The following SH3TC2 variants were observed in gnomAD, a reference collection of about 807,000 sequenced individuals.
The protein encoded by SH3TC2 is SH3 domain and tetratricopeptide repeats 2, also known as SH3 domain and tetratricopeptide repeat-containing protein 2.
In SH3TC2, 87 loss-of-function variants were observed where a neutral mutation model predicts 124.5. The ratio of observed to expected loss-of-function variants is 0.70; its 90% CI spans 0.59 to 0.84. SH3TC2 has a LOEUF of 0.84. SH3TC2 is among the 40% of genes least tolerant of loss of function. The probability of loss-of-function intolerance (pLI) is 0.00; values close to 1 mark genes in which losing one functional copy is unlikely to be tolerated. For missense variants in SH3TC2, 1,536 were observed against 1,566.4 expected, an observed-to-expected ratio of 0.98 and a Z score of 0.33; for synonymous variants, 634 against 628.5, an observed-to-expected ratio of 1.01 and a Z score of -0.13.
chr5:148,986,614 A>C lies in SH3TC2; in HGVS notation c.*18097T>G, dbSNP rs1245536995. Reference sequence around the variant, plus strand: ...TTGTTGAATTATCATTTTAAAAGTGAACTTCAATTAGATTATTCATACACA... The same window carrying C: ...TTGTTGAATTATCATTTTAAAAGTGCACTTCAATTAGATTATTCATACACA... On this transcript the variant is annotated 3_prime_UTR_variant, in exon 17 of 17. Coordinates refer to ENST00000515425, the MANE Select transcript of SH3TC2 (RefSeq NM_024577.4). Among the ~76,000 whole-genome samples the C allele has an allele frequency of 6.6e-6, 1 of 152,216 alleles. No homozygotes were observed. Among genetic ancestry groups the C allele is most frequent in the African/African-American group, 2.4e-5 (1 of 41,442 alleles).
At position 148,997,888 on chromosome 5, in the gene SH3TC2, C is replaced by A. The variant is rs192564488; in HGVS notation, c.*6823G>T. Among the ~76,000 whole-genome samples the A allele has an allele frequency of 6.6e-6, 1 of 152,138 alleles. No homozygotes were observed. On this transcript the variant is annotated 3_prime_UTR_variant, in exon 17 of 17. Transcript: ENST00000515425. ...CAAAGGTTTTGCATGAGACTTAATG[C>A]ATAAAACACATTAACCTCAACTGTT...
chr5:149,027,610 T>C lies in SH3TC2; in HGVS notation c.2122A>G (p.Ile708Val), dbSNP rs1275994862. The C allele has an allele frequency of 6.2e-7, 1 of 1,614,184 alleles. No individual in the cohort carries two copies. The highest frequency in any genetic ancestry group is 1.1e-5 in the South Asian group (1 of 91,090). The change falls in exon 11 of 17, where the codon ATT (isoleucine) becomes GTT (valine). Residue 708 changes from isoleucine to valine, a missense_variant. By Grantham distance (29) the Ile-to-Val change is conservative. This residue lies in a region of SH3TC2 where 1,102 missense variants were observed against 1,098.6 expected (regional missense o/e 1.00). Transcript: ENST00000515425. ...TGGAGGACAAGGTGGACCTGCCAAA[T>C]AGGAAGAGACATCCCTTGGGCACTC... The part of the protein sequence containing the change: ...IQSAQGMSLP[I>V]WQVHLVLQNT...
At chr5:149,030,488 G>T (rs554518318) in intron 9 of SH3TC2, among the ~76,000 whole-genome samples, 1 of 152,338 alleles carries the variant, frequency 6.6e-6, no homozygotes, top group African/African-American at 2.4e-5. Context: ...TCTCCCCAAG[G>T]AACACTGCTA....
rs1193981685 is a variant in SH3TC2 at position 149,038,424 on chromosome 5, T to C, written c.872A>G (p.Gln291Arg). Residue 291 changes from glutamine (Q) to arginine (R), a missense_variant, in exon 8 of 17, where the codon CAG becomes CGG. Gln to Arg is a conservative substitution (Grantham distance 43). Around this residue, in one of 3 missense-constraint regions of SH3TC2, gnomAD observed 1,102 missense variants for 1,098.6 expected, o/e 1.00. Transcript: ENST00000515425. Reference protein sequence around the residue: ...PGEKDELNFYQGESIEIIGFV... With the variant: ...PGEKDELNFYRGESIEIIGFV... Reference sequence around the variant, plus strand: ...GCCGATGATCTCAATGCTTTCTCCCTGGTAGAAATTCAGTTCATCCTTTTC... The same window carrying C: ...GCCGATGATCTCAATGCTTTCTCCCCGGTAGAAATTCAGTTCATCCTTTTC... 1.9e-6 allele frequency: 3 copies of C among 1,614,076 alleles called. No individual in the cohort carries two copies. Among genetic ancestry groups the C allele is most frequent in the African/African-American group, 2.7e-5 (2 of 74,922 alleles).
At chr5:149,059,633 T>C (rs1754710617) in intron 1 of SH3TC2, among the ~76,000 whole-genome samples, 1 of 149,454 alleles carries the variant, frequency 6.7e-6, no homozygotes, top group Admixed American at 6.8e-5. Flanking sequence ...ATATCTTAGA[T>C]GATAATGTTT....
At chr5:149,015,996 G>A (rs1048003249) in intron 12 of SH3TC2, among the ~76,000 whole-genome samples, 3 of 152,158 alleles carry the variant, frequency 2.0e-5, no homozygotes, top group Admixed American at 6.5e-5. Context: ...TTTTTGAAAC[G>A]TATCTAAGTT....
At chr5:149,036,745 A>G (rs1475701141) in intron 8 of SH3TC2, among the ~76,000 whole-genome samples, 1 of 152,034 alleles carries the variant, frequency 6.6e-6, no homozygotes, top group Non-Finnish European at 1.5e-5. Flanking sequence ...CCACCTGGGG[A>G]GCTTTTATCA....
In SH3TC2 at chr5:149,010,264, A is replaced by C; in HGVS notation, c.3327+6T>G. On this transcript the variant is annotated splice_donor_region_variant and intron_variant, in intron 14 of 16. Transcript: ENST00000515425. ...TGTCTCAGCAAACTGCACAGCTTGG[A>C]CTTACTCGGTAGTACTCCACTGCAT... The C allele has an allele frequency of 6.2e-7, 1 of 1,614,158 alleles. No individual in the cohort carries two copies. The highest frequency in any genetic ancestry group is 8.5e-7 in the Non-Finnish European group (1 of 1,180,028).
Position 149,041,423 on chromosome 5 carries a change from A to G in SH3TC2, c.724T>C (p.Phe242Leu). 6.2e-7 allele frequency: 1 copy of G among 1,612,708 alleles called. No homozygotes were observed. The highest frequency in any genetic ancestry group is 2.0e-4 in the Middle Eastern group (1 of 4,910). Reference sequence around the variant, plus strand: ...AGGCAGATGGCTACTCACTGGTGGAAAGGGAGAGGCAGAGGCTCCAAGGCT... The same window carrying G: ...AGGCAGATGGCTACTCACTGGTGGAGAGGGAGAGGCAGAGGCTCCAAGGCT... ...VSALEPLPLP[F>L]HQWFLKNYPG... The change falls in exon 6 of 17, where the codon TTC (phenylalanine) becomes CTC (leucine). Residue 242 changes from phenylalanine to leucine, a missense_variant. Physicochemically the swap from Phe to Leu is conservative, Grantham distance 22. Around this residue, in one of 3 missense-constraint regions of SH3TC2, gnomAD observed 1,102 missense variants for 1,098.6 expected, o/e 1.00. Transcript: ENST00000515425.
chr5:149,038,455 G>T lies in SH3TC2; in HGVS notation c.841C>A (p.Pro281Thr), dbSNP rs200713578. 33 of 1,613,918 alleles carry T rather than the reference G, an allele frequency of 2.0e-5. No individual in the cohort carries two copies. Among genetic ancestry groups the T allele is most frequent in the Non-Finnish European group, 2.6e-5 (31 of 1,179,982 alleles). ...AAATTCAGTTCATCCTTTTCTCCTGGCTCATAACCCGTCAAGGCCTTACAG... is the reference window on the plus strand; with the variant it reads ...AAATTCAGTTCATCCTTTTCTCCTGTCTCATAACCCGTCAAGGCCTTACAG... ...GRCKALTGYE[P>T]GEKDELNFYQ... The change falls in exon 8 of 17, where the codon CCA (proline) becomes ACA (threonine). Residue 281 changes from proline (P) to threonine (T), a missense_variant. Transcript: ENST00000515425.
intron 2 of SH3TC2, among the ~76,000 whole-genome samples, chr5:149,051,639 G>T (rs1278240829): frequency 6.6e-6 from 1 of 151,932 alleles, no homozygotes; most frequent in African/African-American, 2.4e-5. Flanking sequence ...TTTTGTTTAG[G>T]GATCAGGTCT....
rs541026239 is a variant in SH3TC2 at position 149,045,803 on chromosome 5, C to T, written c.280-1165G>A. The T allele has an allele frequency of 3.2e-4, 64 of 202,548 alleles. 1 individual carries two copies. In the Middle Eastern group the frequency reaches 5.6e-3, roughly 18 times the overall value. 12.5% of individuals were successfully genotyped at this position (202,548 alleles called of 1,614,324 possible). On this transcript the variant is annotated intron_variant, in intron 3 of 16. Coordinates refer to ENST00000515425, the MANE Select transcript of SH3TC2 (RefSeq NM_024577.4). ...CTGGGACTACAGGCACCTGCCACCA[C>T]GCTTGGCTAATTTTTTGTATTTTAG...
rs1186144107 is a variant in SH3TC2 at position 149,003,899 on chromosome 5, A to T, written c.*812T>A. ...CATGTATTGGTATTCTCTCCCATCC[A>T]TCAAGTCCTCCATCTCATCTGCCCC... On this transcript the variant is annotated 3_prime_UTR_variant, in exon 17 of 17. Transcript: ENST00000515425. 5.8e-6 allele frequency: 2 copies of T among 343,878 alleles called. No homozygotes were observed. Among genetic ancestry groups the T allele is most frequent in the East Asian group, 7.9e-5 (1 of 12,694 alleles). The allele number at this position is 343,878 out of a possible 1,614,324, so 21.3% of individuals were successfully genotyped here.
At chr5:149,044,242 T>C (rs1007660058) in intron 4 of SH3TC2, 14 of 381,862 alleles carry the variant, frequency 3.7e-5, no homozygotes, top group Non-Finnish European at 7.0e-5. Flanking sequence ...TTCAGTACTT[T>C]GAACTTAGTA....
rs149762843 is a variant in SH3TC2, at chr5:149,062,992, G to T, written c.31C>A (p.Arg11=). Residue 11 remains arginine, a synonymous_variant, in exon 1 of 17, where the codon CGG becomes AGG. Transcript: ENST00000515425. MGGCFCIPRE[R]SLTRGPGKET... The stretch of plus-strand genomic sequence containing the variant: ...TCACCTGGGCCCCGGGTCAGACTCC[G>T]CTCCCTGGGGATGCAGAAGCAGCCA... 3.1e-6 allele frequency: 5 copies of T among 1,598,948 alleles called. No individual in the cohort carries two copies. In the South Asian group the frequency reaches 5.7e-5, roughly 18 times the overall value.
rs777677755 is a variant in SH3TC2 at position 149,027,097 on chromosome 5, T to C, written c.2635A>G (p.Met879Val). The C allele has an allele frequency of 1.9e-6, 3 of 1,614,064 alleles. No individual in the cohort carries two copies. Among genetic ancestry groups the C allele is most frequent in the African/African-American group, 1.3e-5 (1 of 74,954 alleles). The change falls in exon 11 of 17, where the codon ATG (methionine) becomes GTG (valine). Residue 879 changes from methionine to valine, a missense_variant. This residue lies in a region of SH3TC2 where 1,102 missense variants were observed against 1,098.6 expected (regional missense o/e 1.00). Coordinates refer to ENST00000515425, the MANE Select transcript of SH3TC2 (RefSeq NM_024577.4). The part of the protein sequence containing the change: ...VGDVHNQAVA[M>V]ANLGHLSLKS... The stretch of plus-strand genomic sequence containing the variant: ...AGGCTCAGGTGGCCAAGATTGGCCA[T>C]AGCCACTGCCTGGTTATGCACATCT...
chr5:149,031,712 G>A, intron 8 of SH3TC2, 25 bp from the exon 9 acceptor site: 3 of 1,613,452 alleles, frequency 1.9e-6, no homozygotes, highest in Non-Finnish European at 2.5e-6. Flanking sequence ...AAAACACAGA[G>A]ACAGATTACT....
intron 5 of SH3TC2, among the ~76,000 whole-genome samples, chr5:149,042,228 G>A (rs1254054035): frequency 6.6e-6 from 1 of 152,322 alleles, no homozygotes; most frequent in Non-Finnish European, 1.5e-5. Flanking sequence ...ATCAAGAGGT[G>A]CTCCAAGAGG....
At position 148,994,102 on chromosome 5, in the gene SH3TC2, T is replaced by C. The variant is rs1003014817; in HGVS notation, c.*10609A>G. 1.3e-5 allele frequency among the ~76,000 whole-genome samples: 2 copies of C among 152,188 alleles called. No individual in the cohort carries two copies. The highest frequency in any genetic ancestry group is 4.8e-5 in the African/African-American group (2 of 41,446). ...CTACTACCATGCATCCCAGACAGGA[T>C]GTTCAGGTGAACAAGATCTATCTAG... On this transcript the variant is annotated 3_prime_UTR_variant, in exon 17 of 17. Transcript: ENST00000515425.
Sources: gnomAD v4.1 joint callset for allele counts (sites outside exome capture counted in the v4.1 genomes callset) on GRCh38, gnomAD v4.1.1 for gene constraint, gnomAD v4.1.1 regional missense constraint, MANE v1.5 for transcripts, NCBI Gene and HGNC (gene_info 2026-07-23, HGNC 2026-07-21) for gene names.